Variants in SYCP1 observed in about 807,000 individuals in gnomAD.
SYCP1 encodes synaptonemal complex protein 1.
SYCP1 carries 64 observed loss-of-function variants against 153.1 expected under a neutral mutation model. The observed-to-expected ratio is 0.42, with a 90% CI of 0.34 to 0.51. SYCP1 has a LOEUF of 0.51. Ranked by LOEUF, SYCP1 falls within the 20% of genes least tolerant of loss-of-function variation. The pLI, the probability that SYCP1 is intolerant of heterozygous loss-of-function variation, is 0.06. For synonymous variants in SYCP1, 384 were observed against 341.8 expected, an observed-to-expected ratio of 1.12 and a Z score of -1.36; for missense variants, 997 against 1,049.0, an observed-to-expected ratio of 0.95 and a Z score of 0.68.
intron 8 of SYCP1, among the ~76,000 whole-genome samples, chr1:114,872,452 T>A (rs943031277): frequency 1.4e-4 from 22 of 152,194 alleles, no homozygotes; most frequent in Non-Finnish European, 2.9e-4. Flanking sequence ...AATGTTTTTT[T>A]CCTCTAGCTT....
rs1174716918 is a variant in SYCP1, at chr1:114,947,811, C to CAAA, written c.2322+520_2322+522dup. 6.1e-3 allele frequency among the ~76,000 whole-genome samples: 266 copies of CAAA among 43,884 alleles called. 2 individuals carry two copies. The highest frequency in any genetic ancestry group is 0.014 in the South Asian group (9 of 648). 28.8% of individuals were successfully genotyped at this position (43,884 alleles called of 152,430 possible). ...TGGGAGACAGAGCGAGACTCCGTCT[C>CAAA]AAAAAAAAAAAAAAAAAAAAAAAAA... On this transcript the variant is annotated intron_variant, in intron 27 of 31. Coordinates refer to ENST00000369522, the MANE Select transcript of SYCP1 (RefSeq NM_003176.4).
chr1:114,899,344 G>A (rs1667266198), intron 16 of SYCP1, among the ~76,000 whole-genome samples: 2 of 152,256 alleles, frequency 1.3e-5, no homozygotes, highest in African/African-American at 4.8e-5. Flanking sequence ...ACAAGGATCA[G>A]CAATATTCCA....
chr1:114,864,860 TTTTTA>T (rs1369939271), intron 8 of SYCP1, among the ~76,000 whole-genome samples: 1 of 152,068 alleles, frequency 6.6e-6, no homozygotes, highest in Non-Finnish European at 1.5e-5. Context: ...TTTTATTTTA[TTTTTA>T]TTTTATTATT....
chr1:114,949,511 G>A (rs1312125118), intron 27 of SYCP1, among the ~76,000 whole-genome samples: 1 of 152,154 alleles, frequency 6.6e-6, no homozygotes, highest in East Asian at 1.9e-4. Flanking sequence ...GCTAAGTTAG[G>A]AGAGGCCCTC....
intron 16 of SYCP1, among the ~76,000 whole-genome samples, chr1:114,907,481 C>G (rs571627104): frequency 6.6e-6 from 1 of 151,746 alleles, no homozygotes; most frequent in East Asian, 1.9e-4. Flanking sequence ...ATCTATACTT[C>G]TCTGCATTTA....
At chr1:114,922,084 G>A (rs180766446) in intron 20 of SYCP1, among the ~76,000 whole-genome samples, 1 of 152,082 alleles carries the variant, frequency 6.6e-6, no homozygotes, top group African/African-American at 2.4e-5. Flanking sequence ...TTGTGAGTTT[G>A]ATTTTTAAGT....
At chr1:114,981,923 C>G (rs1327771016) in intron 29 of SYCP1, among the ~76,000 whole-genome samples, 3 of 152,020 alleles carry the variant, frequency 2.0e-5, no homozygotes, top group Non-Finnish European at 4.4e-5. Flanking sequence ...ATAGCATCAC[C>G]ACAGTTACTA....
chr1:114,915,690 A>T (rs1192650908), intron 20 of SYCP1, among the ~76,000 whole-genome samples: 1 of 152,216 alleles, frequency 6.6e-6, no homozygotes, highest in Admixed American at 6.5e-5. Context: ...TCAATTAAAG[A>T]CTTCCACTAT....
intron 15 of SYCP1, among the ~76,000 whole-genome samples, chr1:114,888,148 C>G (rs1666441767): frequency 6.6e-6 from 1 of 151,966 alleles, no homozygotes; most frequent in Non-Finnish European, 1.5e-5. Context: ...ACTTTCATGG[C>G]CACGAGAGAG....
chr1:114,906,990 C>T (rs561221706), intron 16 of SYCP1, among the ~76,000 whole-genome samples: 10 of 152,210 alleles, frequency 6.6e-5, no homozygotes, highest in South Asian at 4.1e-4. Flanking sequence ...GTGATTGCTT[C>T]GTGTGTTTTG....
At chr1:114,896,732 T>G (rs1667082946) in intron 16 of SYCP1, among the ~76,000 whole-genome samples, 1 of 152,230 alleles carries the variant, frequency 6.6e-6, no homozygotes, top group African/African-American at 2.4e-5. Context: ...GAATGAATAC[T>G]AAAGCATTGG....
At position 114,910,812 on chromosome 1, in the gene SYCP1, G is replaced by A. The variant is rs186490179; in HGVS notation, c.1425+311G>A. Among the ~76,000 whole-genome samples, 232 of 152,178 alleles carry A rather than the reference G, an allele frequency of 1.5e-3. 1 individual carries two copies. The highest frequency in any genetic ancestry group is 5.2e-3 in the African/African-American group (218 of 41,542). ...GTCTTGCTATGTTGCCCAGGCTGGA[G>A]TGAAGTAGCTAATTCAAATGCACAA... On this transcript the variant is annotated intron_variant, in intron 17 of 31. Coordinates refer to ENST00000369522, the MANE Select transcript of SYCP1 (RefSeq NM_003176.4).
At chr1:114,926,405 A>T in intron 22 of SYCP1, 65 bp downstream of exon 22, 1 of 1,490,034 alleles carries the variant, frequency 6.7e-7, no homozygotes, top group Non-Finnish European at 9.0e-7. Flanking sequence ...TTAGAGAATA[A>T]TGCTTTCCCT....
At chr1:114,976,763 T>C (rs1672817327) in intron 27 of SYCP1, among the ~76,000 whole-genome samples, 1 of 151,764 alleles carries the variant, frequency 6.6e-6, no homozygotes. Context: ...ACAGCCAGCT[T>C]CTTTCATAGT....
intron 30 of SYCP1, among the ~76,000 whole-genome samples, chr1:114,989,826 G>A (rs756161843): frequency 2.1e-4 from 32 of 151,848 alleles, no homozygotes; most frequent in East Asian, 1.4e-3. Context: ...ACATGTCCAC[G>A]CCTAATAACA....
intron 27 of SYCP1, among the ~76,000 whole-genome samples, chr1:114,956,223 G>T (rs2101865076): frequency 6.6e-6 from 1 of 152,250 alleles, no homozygotes; most frequent in African/African-American, 2.4e-5. Context: ...TCTCCAGCCT[G>T]TGTCCCCCAG....
chr1:114,855,339 A>G (rs1456187776), intron 1 of SYCP1, 102 bp from the exon 2 acceptor site: 2 of 549,570 alleles, frequency 3.6e-6, no homozygotes, highest in East Asian at 6.7e-5. Context: ...CTTTTTTTTT[A>G]GCCATTTAGT....
chr1:114,975,396 T>C (rs1557845654), intron 27 of SYCP1, among the ~76,000 whole-genome samples: 1 of 151,508 alleles, frequency 6.6e-6, no homozygotes, highest in Non-Finnish European at 1.5e-5. Flanking sequence ...ATGTAGTCTT[T>C]TAAATTAGTT....
At chr1:114,903,615 T>C (rs1667618208) in intron 16 of SYCP1, among the ~76,000 whole-genome samples, 1 of 152,150 alleles carries the variant, frequency 6.6e-6, no homozygotes, top group African/African-American at 2.4e-5. Flanking sequence ...GTATTTATCC[T>C]AAGAGGGATG....
Sources: allele counts gnomAD v4.1 joint callset (sites outside exome capture counted in the v4.1 genomes callset), GRCh38; gene constraint gnomAD v4.1.1; transcripts MANE v1.5; gene names NCBI Gene and HGNC (gene_info 2026-07-23, HGNC 2026-07-21).